Variants in SH2D3C observed in about 807,000 individuals in gnomAD.
SH2D3C encodes SH2 domain containing 3C, also known as SH2 domain-containing protein 3C.
SH2D3C carries 25 observed loss-of-function variants against 75.2 expected under a neutral mutation model. The ratio of observed to expected loss-of-function variants is 0.33; its 90% CI spans 0.24 to 0.46. The LOEUF (loss-of-function observed/expected upper bound fraction) is 0.46, where lower values mean the gene tolerates loss of function less well. Ranked by LOEUF, SH2D3C falls within the 20% of genes least tolerant of loss-of-function variation. The pLI is 1.00. For synonymous variants in SH2D3C, 450 were observed against 473.7 expected (o/e 0.95, Z 0.65); for missense variants, 933 against 1,165.3 (o/e 0.80, Z 2.90).
intron 1 of SH2D3C, among the ~76,000 whole-genome samples, chr9:127,776,412 C>T (rs183136503): frequency 2.0e-5 from 3 of 151,864 alleles, no homozygotes; most frequent in Non-Finnish European, 4.4e-5. Context: ...GAGGGTCGCA[C>T]TGTCTGTGGT....
At chr9:127,755,538 C>T (rs1845357521) in intron 3 of SH2D3C, among the ~76,000 whole-genome samples, 1 of 152,194 alleles carries the variant, frequency 6.6e-6, no homozygotes, top group South Asian at 2.1e-4. Flanking sequence ...TTCTGCCTCC[C>T]CCACTCGCCG....
intron 2 of SH2D3C, chr9:127,767,344 C>A: frequency 1.4e-6 from 2 of 1,427,668 alleles, no homozygotes; most frequent in African/African-American, 1.4e-5. Context: ...GATCTCGAAG[C>A]CCCATTTTAC....
chr9:127,771,334 G>A (rs768821854), intron 2 of SH2D3C: 5 of 1,406,424 alleles, frequency 3.6e-6, no homozygotes, highest in South Asian at 3.1e-5. Flanking sequence ...GACTCCGGGG[G>A]CGGAGACTGA....
chr9:127,775,066 C>T (rs1378559045), intron 1 of SH2D3C, among the ~76,000 whole-genome samples: 1 of 151,440 alleles, frequency 6.6e-6, no homozygotes, highest in African/African-American at 2.4e-5. Flanking sequence ...CCAGCCTGGG[C>T]AATAAGAGCA....
In SH2D3C at chr9:127,754,679, C is replaced by A. The variant is rs1006031730; in HGVS notation, c.556-3379G>T. On this transcript the variant is annotated intron_variant, in intron 3 of 11. Coordinates refer to ENST00000314830, the MANE Select transcript of SH2D3C (RefSeq NM_170600.3). This position sits in a 1 kb window ranked among gnomAD's most constrained non-coding sequence, Gnocchi z 4.4. ...CTGCTCCTCACTCAGTCTTCAGATC[C>A]CAGTCCGGCGCCCCCGGTACAATGG... Among the ~76,000 whole-genome samples the A allele has an allele frequency of 5.3e-5, 8 of 152,062 alleles. No homozygotes were observed. Among genetic ancestry groups the A allele is most frequent in the Admixed American group, 4.6e-4 (7 of 15,286 alleles).
At chr9:127,762,103 A>C in intron 2 of SH2D3C, 1 of 721,400 alleles carries the variant, frequency 1.4e-6, no homozygotes, top group Non-Finnish European at 1.7e-6. Context: ...CCAAGTGGGG[A>C]TCAGCCCGTC....
At chr9:127,746,562 G>C (rs1372358158) in intron 6 of SH2D3C, among the ~76,000 whole-genome samples, 1 of 152,332 alleles carries the variant, frequency 6.6e-6, no homozygotes, top group African/African-American at 2.4e-5. Context: ...CAGCACTTTG[G>C]GAGGCTGAGG....
chr9:127,741,995 G>C (rs1260663687), intron 8 of SH2D3C, 36 bp from the exon 9 acceptor site: 26 of 1,571,210 alleles, frequency 1.7e-5, no homozygotes, highest in Non-Finnish European at 2.2e-5. Flanking sequence ...GGCGGGCTCG[G>C]GGACAGGGGT....
chr9:127,771,048 C>G (rs1845726506), intron 2 of SH2D3C: 1 of 603,492 alleles, frequency 1.7e-6, no homozygotes, highest in African/African-American at 1.9e-5. Flanking sequence ...AAAGTTACAC[C>G]CAAAGAAAAC....
intron 8 of SH2D3C, 135 bp from the exon 9 acceptor site, chr9:127,742,094 A>T: frequency 1.3e-6 from 1 of 794,306 alleles, no homozygotes. Flanking sequence ...GGTCAATGGG[A>T]TAAGGGGGCG....
intron 3 of SH2D3C, among the ~76,000 whole-genome samples, chr9:127,761,136 C>T (rs1415740098): frequency 6.6e-6 from 1 of 152,142 alleles, no homozygotes. Context: ...CCACCGTGCC[C>T]GGCCAAAACT....
chr9:127,742,570 G>GC, intron 8 of SH2D3C: 2 of 365,382 alleles, frequency 5.5e-6, no homozygotes, highest in Admixed American at 4.4e-5. Flanking sequence ...ACAAGGAGGA[G>GC]CCCCAGCTGA....
Position 127,740,343 on chromosome 9 carries a change from C to G in SH2D3C, c.2115G>C (p.Val705=), listed in dbSNP as rs1245924554. 6.2e-7 allele frequency: 1 copy of G among 1,614,112 alleles called. No individual in the cohort carries two copies. Among genetic ancestry groups the G allele is most frequent in the Non-Finnish European group, 8.5e-7 (1 of 1,180,004 alleles). ...CCTCTGTGTGTCGCTGCCGCAGGGT[C>G]ACCCATGTCTGCTCCAGCCGAGAAA... is the stretch of plus-strand genomic sequence containing the variant. ...AQISRLEQTW[V]TLRQRHTEGA... The change falls in exon 10 of 12, where the codon GTG becomes GTC. Residue 705 remains valine (V), a synonymous_variant. Coordinates refer to ENST00000314830, the MANE Select transcript of SH2D3C (RefSeq NM_170600.3).
At chr9:127,762,691 C>CG (rs1184823055) in intron 2 of SH2D3C, among the ~76,000 whole-genome samples, 1 of 152,200 alleles carries the variant, frequency 6.6e-6, no homozygotes, top group Non-Finnish European at 1.5e-5. Flanking sequence ...AGCCTTCCCT[C>CG]GGGCTCCGTG....
Position 127,749,400 on chromosome 9 carries a change from C to T in SH2D3C, c.950G>A (p.Cys317Tyr), listed in dbSNP as rs1180024814. The T allele has an allele frequency of 1.2e-6, 2 of 1,614,152 alleles. No individual in the cohort carries two copies. Among genetic ancestry groups the T allele is most frequent in the East Asian group, 2.2e-5 (1 of 44,890 alleles). Reference sequence around the variant, plus strand: ...CAGTGGGAAGGTGCGGTTCACCGGGCAGTAGATGATGGCACCACTCTGCTC... The same window carrying T: ...CAGTGGGAAGGTGCGGTTCACCGGGTAGTAGATGATGGCACCACTCTGCTC... ...VSEQSGAIIYCPVNRTFPLRY... is the reference protein window; with the variant it reads ...VSEQSGAIIYYPVNRTFPLRY... The change falls in exon 5 of 12, where the codon TGC becomes TAC. Residue 317 changes from cysteine to tyrosine, a missense_variant. Coordinates refer to ENST00000314830, the MANE Select transcript of SH2D3C (RefSeq NM_170600.3). The surrounding 1 kb of genome is among the most constrained non-coding windows in gnomAD (Gnocchi z 5.9).
intron 8 of SH2D3C, chr9:127,742,591 CAG>C (rs1844895899): frequency 2.4e-6 from 1 of 408,908 alleles, no homozygotes; most frequent in Non-Finnish European, 4.4e-6. Flanking sequence ...TGGGCGAGGC[CAG>C]GCTGATGGTC....
chr9:127,748,192 G>C (rs1177916651), intron 5 of SH2D3C, among the ~76,000 whole-genome samples: 1 of 152,130 alleles, frequency 6.6e-6, no homozygotes, highest in Non-Finnish European at 1.5e-5. Context: ...GAAGAGTAGT[G>C]AGCCTTAAGG....
At chr9:127,778,267 C>A (rs941253762) in intron 1 of SH2D3C, among the ~76,000 whole-genome samples, 1 of 147,170 alleles carries the variant, frequency 6.8e-6, no homozygotes, top group Admixed American at 6.9e-5. Flanking sequence ...GGATTACAGG[C>A]GTGAGCCACC....
rs749026095 is a variant in SH2D3C, at chr9:127,739,738, C to T, written c.2351G>A (p.Arg784His). ...CAGGCCTCCGTGGTGTGCCACTGTGCGGGCGGCCTCCAGGTGAGCCAGCAC... is the reference window on the plus strand; with the variant it reads ...CAGGCCTCCGTGGTGTGCCACTGTGTGGGCGGCCTCCAGGTGAGCCAGCAC... ...EVVLAHLEAA[R>H]TVAHHGGLYH... The change falls in exon 11 of 12, where the codon CGC becomes CAC. Residue 784 changes from arginine (R) to histidine (H), a missense_variant. By Grantham distance (29) the Arg-to-His change is conservative. Transcript: ENST00000314830. This position sits in a 1 kb window ranked among gnomAD's most constrained non-coding sequence, Gnocchi z 4.3. 1.9e-6 allele frequency: 3 copies of T among 1,610,434 alleles called. No homozygotes were observed. Among genetic ancestry groups the T allele is most frequent in the Non-Finnish European group, 2.5e-6 (3 of 1,179,496 alleles).
Sources: allele counts gnomAD v4.1 joint callset (sites outside exome capture counted in the v4.1 genomes callset), GRCh38; gene constraint gnomAD v4.1.1; non-coding constraint Gnocchi (gnomAD v3.1); transcripts MANE v1.5; gene names NCBI Gene and HGNC (gene_info 2026-07-23, HGNC 2026-07-21).